The following CCSER1 variants were observed in gnomAD, a reference collection of about 807,000 sequenced individuals.
CCSER1 encodes the protein coiled-coil serine rich protein 1, also known as serine-rich coiled-coil domain-containing protein 1.
In CCSER1, 41 loss-of-function variants were observed where a neutral mutation model predicts 82.0. The observed-to-expected ratio is 0.50, with a 90% CI of 0.39 to 0.65. The LOEUF (loss-of-function observed/expected upper bound fraction) is 0.65, where lower values mean the gene tolerates loss of function less well. Ranked by LOEUF, CCSER1 falls within the 30% of genes least tolerant of loss-of-function variation. The pLI is 0.00. For missense variants in CCSER1, 1,119 were observed against 1,064.2 expected (o/e 1.05, Z -0.72); for synonymous variants, 414 against 383.9 (o/e 1.08, Z -0.92).
intron 10 of CCSER1, among the ~76,000 whole-genome samples, chr4:91,179,198 TG>T (rs1733738326): frequency 6.6e-6 from 1 of 152,198 alleles, no homozygotes; most frequent in African/African-American, 2.4e-5. Flanking sequence ...CTTCCCTTTG[TG>T]GGTAACCCAA....
chr4:91,555,986 T>C (rs1295676475), intron 10 of CCSER1, among the ~76,000 whole-genome samples: 4 of 151,278 alleles, frequency 2.6e-5, no homozygotes, highest in Non-Finnish European at 5.9e-5. Context: ...CCATTGTAGA[T>C]GCAAAAATAG....
At chr4:90,276,430 T>G (rs1727833528) in intron 1 of CCSER1, among the ~76,000 whole-genome samples, 2 of 150,040 alleles carry the variant, frequency 1.3e-5, no homozygotes, top group African/African-American at 4.9e-5. Flanking sequence ...CACTGCAACC[T>G]TCACCTCCTG....
chr4:91,430,656 A>G (rs569483203), intron 10 of CCSER1, among the ~76,000 whole-genome samples: 9 of 152,242 alleles, frequency 5.9e-5, no homozygotes, highest in Non-Finnish European at 1.0e-4. Flanking sequence ...AAATGGACAC[A>G]TGGCAAAACA....
intron 6 of CCSER1, among the ~76,000 whole-genome samples, chr4:90,719,347 A>G (rs566029752): frequency 2.6e-5 from 4 of 152,262 alleles, no homozygotes; most frequent in South Asian, 4.1e-4. Context: ...AAACAGGATC[A>G]GGGCTCCTAC....
At position 91,456,581 on chromosome 4, in the gene CCSER1, T is replaced by C. The variant is rs546536470; in HGVS notation, c.2218-141991T>C. Among the ~76,000 whole-genome samples, 48 of 152,132 alleles carry C rather than the reference T, an allele frequency of 3.2e-4. 1 individual carries two copies. The highest frequency in any genetic ancestry group is 5.3e-4 in the Non-Finnish European group (36 of 68,026). On this transcript the variant is annotated intron_variant, in intron 10 of 10. Transcript: ENST00000509176. ...CTTTTTTTAAGTTTTTTTCATGTAT[T>C]GAAGTAGTCATTCTGAAAATAGAAT...
intron 7 of CCSER1, among the ~76,000 whole-genome samples, chr4:90,813,527 C>T (rs933856261): frequency 3.3e-5 from 5 of 152,246 alleles, no homozygotes; most frequent in South Asian, 2.1e-4. Context: ...GGAGGAACCC[C>T]GGGGGAGGTA....
intron 10 of CCSER1, among the ~76,000 whole-genome samples, chr4:91,093,323 A>G (rs1357192131): frequency 6.6e-6 from 1 of 152,208 alleles, no homozygotes. Flanking sequence ...CACTGAGTCC[A>G]ACACTTCCAC....
intron 9 of CCSER1, among the ~76,000 whole-genome samples, chr4:91,063,056 A>G (rs1486155913): frequency 6.6e-6 from 1 of 152,170 alleles, no homozygotes; most frequent in African/African-American, 2.4e-5. Flanking sequence ...ACACTATTTT[A>G]AAATGAAAAA....
At chr4:91,534,440 A>G (rs1270280519) in intron 10 of CCSER1, among the ~76,000 whole-genome samples, 1 of 152,058 alleles carries the variant, frequency 6.6e-6, no homozygotes, top group Non-Finnish European at 1.5e-5. Context: ...ATGAGAAACC[A>G]CACTATGATG....
chr4:91,534,091 G>A (rs1044849190), intron 10 of CCSER1, among the ~76,000 whole-genome samples: 2 of 151,902 alleles, frequency 1.3e-5, no homozygotes, highest in Non-Finnish European at 2.9e-5. Context: ...AATTTGTGAG[G>A]CTAATATTCC....
intron 10 of CCSER1, among the ~76,000 whole-genome samples, chr4:91,471,626 C>G (rs1256712506): frequency 1.3e-5 from 2 of 152,096 alleles, no homozygotes; most frequent in Admixed American, 6.6e-5. Flanking sequence ...ATATTCTTTT[C>G]CCTTCAGACT....
At chr4:90,236,085 G>C (rs955146366) in intron 1 of CCSER1, among the ~76,000 whole-genome samples, 6 of 152,092 alleles carry the variant, frequency 3.9e-5, no homozygotes, top group Non-Finnish European at 8.8e-5. Flanking sequence ...TGGGACTTCA[G>C]ATGCATGCCA....
intron 8 of CCSER1, among the ~76,000 whole-genome samples, chr4:90,916,452 G>T (rs1324575176): frequency 1.3e-5 from 2 of 152,030 alleles, no homozygotes; most frequent in Non-Finnish European, 2.9e-5. Context: ...GGGAAAACTG[G>T]CTCGCCATAT....
intron 10 of CCSER1, among the ~76,000 whole-genome samples, chr4:91,554,556 A>C (rs915884669): frequency 2.6e-5 from 4 of 151,346 alleles, no homozygotes; most frequent in African/African-American, 9.7e-5. Context: ...AAGAAGATGT[A>C]AATAAATGGA....
intron 5 of CCSER1, among the ~76,000 whole-genome samples, chr4:90,584,227 A>T (rs1043741666): frequency 2.6e-5 from 4 of 152,138 alleles, no homozygotes; most frequent in Non-Finnish European, 5.9e-5. Flanking sequence ...TGCTTGATCT[A>T]CTCATAAAAG....
intron 10 of CCSER1, among the ~76,000 whole-genome samples, chr4:91,391,628 T>C (rs549012379): frequency 1.4e-4 from 21 of 152,260 alleles, no homozygotes; most frequent in African/African-American, 4.8e-4. Context: ...AGAGATATGT[T>C]ATTTAATCTC....
chr4:90,811,654 G>C (rs996938585), intron 7 of CCSER1, among the ~76,000 whole-genome samples: 1 of 152,112 alleles, frequency 6.6e-6, no homozygotes, highest in Non-Finnish European at 1.5e-5. Context: ...GAGCGTATAT[G>C]ATGGCTTCCT....
chr4:90,831,519 C>A (rs910808079), intron 8 of CCSER1, among the ~76,000 whole-genome samples: 1 of 152,146 alleles, frequency 6.6e-6, no homozygotes, highest in Admixed American at 6.5e-5. Context: ...GCCTATTACA[C>A]TGTTGAAGAT....
In CCSER1 at chr4:91,044,392, C is replaced by T. The variant is rs150449806; in HGVS notation, c.2173-41558C>T. ...GAAATATAATCCTACAGATTTTTGGCTTTGCAGCGCACAAAATGTTCATAA... is the reference window on the plus strand; with the variant it reads ...GAAATATAATCCTACAGATTTTTGGTTTTGCAGCGCACAAAATGTTCATAA... On this transcript the variant is annotated intron_variant, in intron 9 of 10. Coordinates refer to ENST00000509176, the MANE Select transcript of CCSER1 (RefSeq NM_001145065.2). 2.3e-3 allele frequency among the ~76,000 whole-genome samples: 344 copies of T among 152,296 alleles called. 3 individuals are homozygous for T. Among genetic ancestry groups the T allele is most frequent in the Non-Finnish European group, 3.8e-3 (261 of 68,012 alleles).
Sources: gnomAD v4.1 joint callset for allele counts (sites outside exome capture counted in the v4.1 genomes callset) on GRCh38, gnomAD v4.1.1 for gene constraint, MANE v1.5 for transcripts, NCBI Gene and HGNC (gene_info 2026-07-23, HGNC 2026-07-21) for gene names.